Variants in APBB2 observed in about 807,000 individuals in gnomAD.
The protein encoded by APBB2 is amyloid beta precursor protein binding family B member 2, also known as Fe65-like 1.
Under a neutral mutation model 82.5 loss-of-function variants are expected in APBB2, and 38 were observed. That is an observed-to-expected ratio of 0.46 (90% CI 0.36 to 0.60). APBB2 has a LOEUF of 0.60. APBB2 is among the 20% of genes least tolerant of loss of function. APBB2 has a pLI of 0.00. For missense variants in APBB2, 772 were observed against 972.3 expected (o/e 0.79, Z 2.74); for synonymous variants, 341 against 368.2 (o/e 0.93, Z 0.85).
At chr4:41,162,887 G>C (rs1401434632) in intron 1 of APBB2, among the ~76,000 whole-genome samples, 1 of 152,092 alleles carries the variant, frequency 6.6e-6, no homozygotes, top group Non-Finnish European at 1.5e-5. Flanking sequence ...TTTAATTGTT[G>C]ATTCAATTCA....
chr4:40,881,350 G>C, intron 12 of APBB2: 4 of 984,896 alleles, frequency 4.1e-6, no homozygotes, highest in Non-Finnish European at 4.8e-6. Flanking sequence ...CTGGCTCAGA[G>C]AATCCCCTAC....
At chr4:40,830,668 C>CA in intron 12 of APBB2, 91 bp from the exon 13 acceptor site, 2 of 743,218 alleles carry the variant, frequency 2.7e-6, no homozygotes, top group South Asian at 1.5e-5. Context: ...TAGCAGCCAG[C>CA]GTGTCAATGG....
intron 2 of APBB2, among the ~76,000 whole-genome samples, chr4:41,119,148 G>C (rs1752034382): frequency 8.4e-5 from 1 of 11,970 alleles, no homozygotes; most frequent in Non-Finnish European, 1.8e-4. Flanking sequence ...AAAAATAATT[G>C]ATTTTTTTTT....
rs75988128 is a variant in APBB2 at position 41,125,774 on chromosome 4, C to G, written c.-261+17213G>C. Among the ~76,000 whole-genome samples the G allele has an allele frequency of 4.5e-3, 683 of 152,264 alleles. 3 individuals carry two copies. Among genetic ancestry groups the G allele is most frequent in the Non-Finnish European group, 7.8e-3 (532 of 68,028 alleles). ...ACACCCTACACATTTACTGTGAAAA[C>G]CAGGGATTAAATTAAGCTTCACTTA... On this transcript the variant is annotated intron_variant, in intron 2 of 17. Coordinates refer to ENST00000508593, the MANE Select transcript of APBB2 (RefSeq NM_004307.2).
At chr4:40,931,548 A>G (rs1254943236) in intron 10 of APBB2, among the ~76,000 whole-genome samples, 1 of 152,166 alleles carries the variant, frequency 6.6e-6, no homozygotes, top group Non-Finnish European at 1.5e-5. Context: ...ACCAGCTTGC[A>G]AAAGTCCTTT....
intron 10 of APBB2, among the ~76,000 whole-genome samples, chr4:40,905,969 G>C (rs1461232592): frequency 1.3e-5 from 2 of 152,148 alleles, no homozygotes; most frequent in Non-Finnish European, 2.9e-5. Context: ...GGCCATGCTG[G>C]AGAGGGGGAG....
intron 4 of APBB2, among the ~76,000 whole-genome samples, chr4:41,047,535 C>A (rs1184580031): frequency 6.6e-6 from 1 of 152,200 alleles, no homozygotes; most frequent in African/African-American, 2.4e-5. Context: ...GTTCATGATC[C>A]CTTTCATTTC....
chr4:40,973,314 G>A (rs79693100), intron 6 of APBB2, among the ~76,000 whole-genome samples: 2,613 of 152,274 alleles, frequency 0.017, 75 homozygotes, highest in African/African-American at 0.058. Flanking sequence ...GACTAGTCAG[G>A]CCATCTTCTC....
chr4:40,816,104 G>A lies in APBB2; in HGVS notation c.2268C>T (p.Thr756=), dbSNP rs769076200. 3.7e-6 allele frequency: 6 copies of A among 1,613,172 alleles called. No homozygotes were observed. The highest frequency in any genetic ancestry group is 2.2e-5 in the East Asian group (1 of 44,874). The change falls in exon 18 of 18, where the codon ACC becomes ACT. Residue 756 remains threonine (T), a synonymous_variant. Transcript: ENST00000508593. ...TTTGCATGTGCAGCTATGGCATTTC[G>A]GTGACAGGGCGTTTCTGTTTCAAAG... ...IDTLKQKRPV[T]EMP
At chr4:40,871,244 TGGC>T (rs1489268630) in intron 12 of APBB2, among the ~76,000 whole-genome samples, 1 of 152,116 alleles carries the variant, frequency 6.6e-6, no homozygotes, top group East Asian at 1.9e-4. Flanking sequence ...TGGGTTCAAG[TGGC>T]GATCCTCCCG....
rs769076200 is a variant in APBB2 at position 40,816,104 on chromosome 4, G to C, written c.2268C>G (p.Thr756=). The change falls in exon 18 of 18, where the codon ACC becomes ACG. Residue 756 remains threonine, a synonymous_variant. Transcript: ENST00000508593. ...TTTGCATGTGCAGCTATGGCATTTC[G>C]GTGACAGGGCGTTTCTGTTTCAAAG... is the stretch of plus-strand genomic sequence containing the variant. ...IDTLKQKRPV[T]EMP is the part of the protein sequence containing the mutation. 2 of 1,613,172 alleles carry C rather than the reference G, an allele frequency of 1.2e-6. No individual in the cohort carries two copies. The highest frequency in any genetic ancestry group is 1.7e-6 in the Non-Finnish European group (2 of 1,179,360).
chr4:40,878,090 T>TA lies in APBB2; in HGVS notation c.1529+12273dup, dbSNP rs542654727. Among the ~76,000 whole-genome samples the TA allele has an allele frequency of 2.3e-4, 34 of 148,566 alleles. No homozygotes were observed. The South Asian group carries it at 6.2e-3, about 27-fold the overall frequency. ...GGCCGGACTCGGTGGCTCACGCCTG[T>TA]AATCCCAGCACTTTGGGAGGCTGAG... On this transcript the variant is annotated intron_variant, in intron 12 of 17. Transcript: ENST00000508593.
chr4:40,822,179 A>G, intron 16 of APBB2, 129 bp from the exon 17 acceptor site: 1 of 1,113,440 alleles, frequency 9.0e-7, no homozygotes, highest in Non-Finnish European at 1.3e-6. Flanking sequence ...GTTTTTCTCG[A>G]AAGGCGGAAC....
intron 3 of APBB2, among the ~76,000 whole-genome samples, chr4:41,086,807 C>T (rs76879574): frequency 0.07 from 10,678 of 152,044 alleles, 530 homozygotes; most frequent in Non-Finnish European, 0.1. Context: ...TAGTAGAAGT[C>T]CTAGCCAGAG....
intron 10 of APBB2, among the ~76,000 whole-genome samples, chr4:40,920,573 A>AG (rs1384914117): frequency 6.6e-6 from 1 of 152,222 alleles, no homozygotes; most frequent in Non-Finnish European, 1.5e-5. Flanking sequence ...CAGGCTTTAA[A>AG]GGGCAGGGCA....
chr4:40,870,556 G>C (rs1430233534), intron 12 of APBB2, among the ~76,000 whole-genome samples: 2 of 152,176 alleles, frequency 1.3e-5, no homozygotes, highest in Non-Finnish European at 2.9e-5. Context: ...ACCTAGAGGA[G>C]AGACAGCTGG....
chr4:41,201,080 A>G (rs929533214), intron 1 of APBB2, among the ~76,000 whole-genome samples: 2 of 152,186 alleles, frequency 1.3e-5, no homozygotes, highest in African/African-American at 2.4e-5. Context: ...CATGCAGTGC[A>G]TTCATCACAG....
rs2154291400 is a variant in APBB2, at chr4:40,813,622, T to G, written c.*2470A>C. 1 of 152,362 alleles carries G rather than the reference T, an allele frequency of 6.6e-6. No individual in the cohort carries two copies. Among genetic ancestry groups the G allele is most frequent in the South Asian group, 2.1e-4 (1 of 4,830 alleles). The allele number at this position is 152,362 out of a possible 1,614,324, so 9.4% of individuals were successfully genotyped here. ...TGCAAAGTTTTCAATATGTAAAGGC[T>G]ATCATTCATCTTAATGCATCCTATA... is the stretch of plus-strand genomic sequence containing the variant. On this transcript the variant is annotated 3_prime_UTR_variant, in exon 18 of 18. Coordinates refer to ENST00000508593, the MANE Select transcript of APBB2 (RefSeq NM_004307.2).
At chr4:40,981,602 G>C (rs114668324) in intron 6 of APBB2, among the ~76,000 whole-genome samples, 2,102 of 152,132 alleles carry the variant, frequency 0.014, 53 homozygotes, top group African/African-American at 0.048. Flanking sequence ...CTTCACAAAG[G>C]TCTGTGATTA....
Sources: gnomAD v4.1 joint callset for allele counts (sites outside exome capture counted in the v4.1 genomes callset) on GRCh38, gnomAD v4.1.1 for gene constraint, MANE v1.5 for transcripts, NCBI Gene and HGNC (gene_info 2026-07-23, HGNC 2026-07-21) for gene names.